The following RCOR1 variants were observed in gnomAD, a reference collection of about 807,000 sequenced individuals.
RCOR1 encodes REST corepressor 1.
Under a neutral mutation model 64.0 loss-of-function variants are expected in RCOR1, and 12 were observed. That is an observed-to-expected ratio of 0.19 (90% confidence interval 0.12 to 0.30). RCOR1 has a LOEUF of 0.30. Ranked by LOEUF, RCOR1 falls within the 10% of genes least tolerant of loss-of-function variation. The probability of loss-of-function intolerance (pLI) is 1.00; values close to 1 mark genes in which losing one functional copy is unlikely to be tolerated. For synonymous variants in RCOR1, 279 were observed against 227.2 expected (o/e 1.23, Z -2.05); for missense variants, 502 against 621.2 (o/e 0.81, Z 2.04).
intron 2 of RCOR1, chr14:102,659,140 TG>T: frequency 1.0e-6 from 1 of 985,400 alleles, no homozygotes; most frequent in Non-Finnish European, 1.2e-6. Flanking sequence ...ACCGACTTAC[TG>T]GACTTTTTAT....
At chr14:102,697,855 G>T (rs913171751) in intron 3 of RCOR1, among the ~76,000 whole-genome samples, 2 of 151,802 alleles carry the variant, frequency 1.3e-5, no homozygotes, top group Non-Finnish European at 2.9e-5. Context: ...CAAGTAGCTG[G>T]GATTACAGAC....
intron 8 of RCOR1, among the ~76,000 whole-genome samples, chr14:102,716,347 A>G (rs76762192): frequency 0.013 from 2,016 of 152,234 alleles, 21 homozygotes; most frequent in Admixed American, 0.017. Flanking sequence ...GTGACTCTCA[A>G]TGGTATCTTT....
intron 2 of RCOR1, among the ~76,000 whole-genome samples, chr14:102,608,443 T>G (rs542997154): frequency 3.3e-5 from 5 of 152,186 alleles, no homozygotes; most frequent in Non-Finnish European, 7.4e-5. Context: ...TTGCCTTGTT[T>G]TTGTTTTTTG....
intron 2 of RCOR1, among the ~76,000 whole-genome samples, chr14:102,675,199 GA>G (rs1895118640): frequency 6.6e-6 from 1 of 151,792 alleles, no homozygotes; most frequent in Non-Finnish European, 1.5e-5. Flanking sequence ...TAGCAAAACT[GA>G]ATAATTTTTG....
chr14:102,706,650 AC>A (rs1319958294), intron 4 of RCOR1, among the ~76,000 whole-genome samples: 2 of 152,034 alleles, frequency 1.3e-5, no homozygotes, highest in Non-Finnish European at 2.9e-5. Flanking sequence ...ACATGGCAAA[AC>A]CCTGTCTCTA....
chr14:102,652,242 T>G (rs1190564657), intron 2 of RCOR1, among the ~76,000 whole-genome samples: 1 of 152,180 alleles, frequency 6.6e-6, no homozygotes, highest in Non-Finnish European at 1.5e-5. Context: ...AAGAGAAAAT[T>G]GAAACTTAAA....
intron 4 of RCOR1, among the ~76,000 whole-genome samples, chr14:102,705,953 A>C (rs1895843894): frequency 6.9e-6 from 1 of 144,484 alleles, no homozygotes; most frequent in Admixed American, 6.9e-5. Flanking sequence ...CTGTCTCTAC[A>C]AAAAAAAAAC....
At chr14:102,649,231 C>A (rs987617917) in intron 2 of RCOR1, among the ~76,000 whole-genome samples, 1 of 152,074 alleles carries the variant, frequency 6.6e-6, no homozygotes, top group Non-Finnish European at 1.5e-5. Context: ...CAGAATGCAA[C>A]AGGATTCAGC....
Position 102,722,407 on chromosome 14 carries a change from G to C in RCOR1, c.1410G>C (p.Glu470Asp), listed in dbSNP as rs761587538. 6.2e-7 allele frequency: 1 copy of C among 1,611,542 alleles called. No homozygotes were observed. The highest frequency in any genetic ancestry group is 1.7e-5 in the Admixed American group (1 of 59,696). Reference protein sequence around the residue: ...SPDNSIKMPEEEDEAPVLDVR... With the variant: ...SPDNSIKMPEDEDEAPVLDVR... ...ATAATTCCATTAAGATGCCCGAAGA[G>C]GAAGACGAGGTAAATCTGAAACAAA... Residue 470 changes from glutamate to aspartate, a missense_variant, in exon 11 of 12, where the codon GAG becomes GAC. Around this residue, in one of 2 missense-constraint regions of RCOR1, gnomAD observed 260 missense variants for 416.4 expected, o/e 0.62. Transcript: ENST00000262241.
At chr14:102,628,303 C>G (rs1314830840) in intron 2 of RCOR1, among the ~76,000 whole-genome samples, 1 of 152,114 alleles carries the variant, frequency 6.6e-6, no homozygotes, top group Non-Finnish European at 1.5e-5. Flanking sequence ...TAATGTTTGA[C>G]CAAACATCTG....
intron 2 of RCOR1, among the ~76,000 whole-genome samples, chr14:102,606,253 G>A (rs1329853459): frequency 6.6e-6 from 1 of 152,092 alleles, no homozygotes; most frequent in Non-Finnish European, 1.5e-5. Flanking sequence ...GTAGAGACGG[G>A]GTTTTGCCAT....
At chr14:102,712,663 C>CTTTTTTTTTTTTTTTTTTT (rs80063348) in intron 7 of RCOR1, among the ~76,000 whole-genome samples, 1 of 109,362 alleles carries the variant, frequency 9.1e-6, no homozygotes. Flanking sequence ...ATTGTTAAGG[C>CTTTTTTTTTTTTTTTTTTT]TTTTTTTTTT....
chr14:102,694,130 T>C (rs2076133472), intron 3 of RCOR1, among the ~76,000 whole-genome samples: 1 of 152,240 alleles, frequency 6.6e-6, no homozygotes, highest in Non-Finnish European at 1.5e-5. Flanking sequence ...ATCACTGCCC[T>C]ACCAGCAACT....
intron 11 of RCOR1, among the ~76,000 whole-genome samples, chr14:102,723,913 T>G (rs1167869656): frequency 2.6e-5 from 4 of 152,192 alleles, no homozygotes; most frequent in Non-Finnish European, 5.9e-5. Flanking sequence ...ACAAATCTCA[T>G]AGTAAATTTA....
intron 2 of RCOR1, among the ~76,000 whole-genome samples, chr14:102,629,020 A>G (rs987790530): frequency 1.1e-4 from 16 of 151,964 alleles, no homozygotes; most frequent in African/African-American, 3.9e-4. Context: ...CCCCTCCCCA[A>G]GTAGCTGGGA....
chr14:102,620,624 AG>A (rs1893855132), intron 2 of RCOR1, among the ~76,000 whole-genome samples: 1 of 152,142 alleles, frequency 6.6e-6, no homozygotes, highest in African/African-American at 2.4e-5. Flanking sequence ...TGGGAGACTG[AG>A]CTAGGAAGAT....
At chr14:102,611,622 T>G (rs1208559416) in intron 2 of RCOR1, among the ~76,000 whole-genome samples, 1 of 152,192 alleles carries the variant, frequency 6.6e-6, no homozygotes, top group Non-Finnish European at 1.5e-5. Flanking sequence ...AAAAATAGTT[T>G]GATGAAGTCT....
At chr14:102,641,593 C>G (rs974469002) in intron 2 of RCOR1, among the ~76,000 whole-genome samples, 1 of 151,984 alleles carries the variant, frequency 6.6e-6, no homozygotes, top group Non-Finnish European at 1.5e-5. Flanking sequence ...GAGTGAGACC[C>G]TGTCTCAATT....
At chr14:102,659,277 A>C in intron 2 of RCOR1, 4 of 984,834 alleles carry the variant, frequency 4.1e-6, no homozygotes, top group Non-Finnish European at 4.8e-6. Context: ...GGCCTTCACT[A>C]TCAAAACAAA....
Sources: allele counts gnomAD v4.1 joint callset (sites outside exome capture counted in the v4.1 genomes callset), GRCh38; gene constraint gnomAD v4.1.1; regional missense constraint gnomAD v4.1.1; transcripts MANE v1.5; gene names NCBI Gene and HGNC (gene_info 2026-07-23, HGNC 2026-07-21).